Variants in R3HCC1L observed in about 807,000 individuals in gnomAD.
R3HCC1L encodes coiled-coil domain-containing protein R3HCC1L.
R3HCC1L carries 51 observed loss-of-function variants against 59.9 expected under a neutral mutation model. The observed-to-expected ratio is 0.85, with a 90% CI of 0.68 to 1.07. R3HCC1L has a LOEUF of 1.07. R3HCC1L is among the 50% of genes least tolerant of loss of function. R3HCC1L has a pLI of 0.00. For synonymous variants in R3HCC1L, 322 were observed against 315.2 expected (o/e 1.02, Z -0.23); for missense variants, 965 against 933.0 (o/e 1.03, Z -0.45).
intron 4 of R3HCC1L, among the ~76,000 whole-genome samples, chr10:98,172,649 G>A (rs1317471742): frequency 6.6e-6 from 1 of 152,148 alleles, no homozygotes; most frequent in Non-Finnish European, 1.5e-5. Context: ...AGATTTAGCG[G>A]AACAGGCAGC....
intron 1 of R3HCC1L, among the ~76,000 whole-genome samples, chr10:98,152,992 TG>T (rs1200094464): frequency 1.7e-5 from 2 of 118,956 alleles, no homozygotes; most frequent in Non-Finnish European, 3.5e-5. Context: ...GGGAGGGAGG[TG>T]GGGGCCCGCC....
In R3HCC1L at chr10:98,162,958, A is replaced by G. The variant is rs1847588794; in HGVS notation, c.-137A>G. The G allele has an allele frequency of 6.6e-6, 1 of 152,662 alleles. No homozygotes were observed. Among genetic ancestry groups the G allele is most frequent in the Non-Finnish European group, 1.5e-5 (1 of 68,424 alleles). The allele number at this position is 152,662 out of a possible 1,614,324, so 9.5% of individuals were successfully genotyped here. A position where few individuals can be genotyped will look rare whatever the true frequency, so the allele number is the denominator to read the frequency against. ...AGTGGTCTGCCTGCCTCGGCTTCCCAAAGTGCTGGGATTACAGGTATGAGC... is the reference window on the plus strand; with the variant it reads ...AGTGGTCTGCCTGCCTCGGCTTCCCGAAGTGCTGGGATTACAGGTATGAGC... On this transcript the variant is annotated 5_prime_UTR_variant, in exon 3 of 10. Transcript: ENST00000298999.
chr10:98,235,096 T>A (rs952485683), intron 7 of R3HCC1L, among the ~76,000 whole-genome samples: 3 of 152,118 alleles, frequency 2.0e-5, no homozygotes, highest in African/African-American at 7.2e-5. Flanking sequence ...GAGCATCAGG[T>A]CTCTGTCACT....
chr10:98,219,435 A>G (rs149059255), intron 5 of R3HCC1L, among the ~76,000 whole-genome samples: 23 of 152,306 alleles, frequency 1.5e-4, no homozygotes, highest in African/African-American at 5.5e-4. Flanking sequence ...TAACCCATGT[A>G]CATTCATGGT....
intron 4 of R3HCC1L, among the ~76,000 whole-genome samples, chr10:98,182,328 C>T (rs1849723671): frequency 1.3e-5 from 2 of 152,202 alleles, no homozygotes; most frequent in Admixed American, 6.5e-5. Flanking sequence ...CCCTGTTTGC[C>T]TGGGTATCAC....
chr10:98,169,624 T>G (rs1386176840), intron 4 of R3HCC1L, among the ~76,000 whole-genome samples: 1 of 152,202 alleles, frequency 6.6e-6, no homozygotes. Context: ...GCGGCAGATT[T>G]TGAAAAATAT....
At position 98,177,717 on chromosome 10, in the gene R3HCC1L, G is replaced by A. The variant is rs557957431; in HGVS notation, c.-15+14320G>A. ...GTTGTTTCCTGACTTTTTAACGATCGCCATTCTAATTGGTGTGAGATGGTA... is the reference window on the plus strand; with the variant it reads ...GTTGTTTCCTGACTTTTTAACGATCACCATTCTAATTGGTGTGAGATGGTA... On this transcript the variant is annotated intron_variant, in intron 4 of 9. Coordinates refer to ENST00000298999, the MANE Select transcript of R3HCC1L (RefSeq NM_001351015.2). Among the ~76,000 whole-genome samples the A allele has an allele frequency of 8.7e-4, 132 of 152,068 alleles. No individual in the cohort carries two copies. The Middle Eastern group carries it at 0.017, about 20-fold the overall frequency.
intron 5 of R3HCC1L, among the ~76,000 whole-genome samples, chr10:98,221,172 G>A (rs1363732354): frequency 6.6e-6 from 1 of 151,516 alleles, no homozygotes; most frequent in Non-Finnish European, 1.5e-5. Context: ...CTGCATAAAT[G>A]TCTTCTTTTG....
At position 98,195,708 on chromosome 10, in the gene R3HCC1L, C is replaced by CT. The variant is rs1564676423; in HGVS notation, c.-14-12386dup. Among the ~76,000 whole-genome samples, 5 of 152,186 alleles carry CT rather than the reference C, an allele frequency of 3.3e-5. No homozygotes were observed. The South Asian group carries it at 1.0e-3, about 32-fold the overall frequency. On this transcript the variant is annotated intron_variant, in intron 4 of 9. Transcript: ENST00000298999. ...AAAACTGTACCTTGTTAAACCCCGTCTTTTTTTACTTGGATACCTCATTCT... is the reference window on the plus strand; with the variant it reads ...AAAACTGTACCTTGTTAAACCCCGTCTTTTTTTTACTTGGATACCTCATTCT...
At chr10:98,222,043 T>G (rs1261305576) in intron 5 of R3HCC1L, among the ~76,000 whole-genome samples, 2 of 152,076 alleles carry the variant, frequency 1.3e-5, no homozygotes, top group Admixed American at 6.6e-5. Context: ...TTTGTATCCT[T>G]TTTTATTTCC....
intron 4 of R3HCC1L, among the ~76,000 whole-genome samples, chr10:98,198,559 A>G (rs1298307934): frequency 6.6e-6 from 1 of 151,750 alleles, no homozygotes; most frequent in African/African-American, 2.4e-5. Context: ...GAAAAAAAAA[A>G]AAGTTGGGAA....
chr10:98,230,201 C>T (rs1235759170), intron 5 of R3HCC1L, among the ~76,000 whole-genome samples: 2 of 152,112 alleles, frequency 1.3e-5, no homozygotes, highest in South Asian at 2.1e-4. Flanking sequence ...GCTGTGAATC[C>T]GTCTGGTCCT....
intron 4 of R3HCC1L, among the ~76,000 whole-genome samples, chr10:98,203,519 G>A (rs988929679): frequency 6.6e-6 from 1 of 152,196 alleles, no homozygotes; most frequent in African/African-American, 2.4e-5. Context: ...TCATTAGGCA[G>A]TTTCTCTCAA....
At chr10:98,162,414 C>G (rs1847520184) in intron 2 of R3HCC1L, among the ~76,000 whole-genome samples, 1 of 152,192 alleles carries the variant, frequency 6.6e-6, no homozygotes, top group Non-Finnish European at 1.5e-5. Flanking sequence ...TCCACTAACA[C>G]TGTGTTTGAG....
intron 4 of R3HCC1L, among the ~76,000 whole-genome samples, chr10:98,167,620 G>A (rs1448299475): frequency 6.6e-6 from 1 of 152,230 alleles, no homozygotes; most frequent in Non-Finnish European, 1.5e-5. Flanking sequence ...TCTGGGCTAT[G>A]CATTTTTACC....
chr10:98,235,951 G>A (rs549147588), intron 8 of R3HCC1L, 73 bp from the exon 9 acceptor site: 1 of 1,471,986 alleles, frequency 6.8e-7, no homozygotes, highest in East Asian at 2.3e-5. Context: ...GTTAATTACT[G>A]AGTTAAATCA....
At chr10:98,174,376 T>C in intron 4 of R3HCC1L, 2 of 438,536 alleles carry the variant, frequency 4.6e-6, no homozygotes, top group Non-Finnish European at 6.1e-6. Context: ...AATTTAAAAT[T>C]AGTATAAGAT....
In R3HCC1L at chr10:98,211,308, G is replaced by A. The variant is rs2135309268; in HGVS notation, c.1785+1409G>A. ...ACTGTCTATTTACAACTTTTTCAGG[G>A]GATTCTGATGCACATAAAGCCCGAG... is the stretch of plus-strand genomic sequence containing the variant. On this transcript the variant is annotated intron_variant, in intron 5 of 9. Transcript: ENST00000298999. The A allele has an allele frequency of 2.0e-6, 3 of 1,510,564 alleles. No homozygotes were observed. In the East Asian group the frequency reaches 7.4e-5, roughly 37 times the overall value. 93.6% of individuals were successfully genotyped at this position (1,510,564 alleles called of 1,614,324 possible).
At chr10:98,141,628 G>A (rs1845144304) in intron 1 of R3HCC1L, among the ~76,000 whole-genome samples, 1 of 152,214 alleles carries the variant, frequency 6.6e-6, no homozygotes, top group South Asian at 2.1e-4. Context: ...AGCTGGTGGT[G>A]ACTTTATGGC....
Sources: allele counts gnomAD v4.1 joint callset (sites outside exome capture counted in the v4.1 genomes callset), GRCh38; gene constraint gnomAD v4.1.1; transcripts MANE v1.5; gene names NCBI Gene and HGNC (gene_info 2026-07-23, HGNC 2026-07-21).